AURKA: variants seen among roughly 807,000 people sequenced by gnomAD.
AURKA encodes aurora 2.
A neutral mutation model predicts 40.9 loss-of-function variants in AURKA; 12 were observed. That is an observed-to-expected ratio of 0.29 (90% CI 0.19 to 0.48). AURKA has a LOEUF of 0.48. Among genes scored for constraint, AURKA ranks in the 20% least tolerant of loss-of-function variants. The pLI is 0.99. For synonymous variants in AURKA, 170 were observed against 164.3 expected (o/e 1.03, Z -0.26); for missense variants, 322 against 462.1 (o/e 0.70, Z 2.78).
chr20:56,389,419 C>T (rs1214353179), intron 1 of AURKA, among the ~76,000 whole-genome samples: 1 of 152,068 alleles, frequency 6.6e-6, no homozygotes. Flanking sequence ...AAAACTGAAC[C>T]TCTTCCCTTC....
In AURKA at chr20:56,373,455, C is replaced by A. The variant is rs1486433364; in HGVS notation, c.807G>T (p.Glu269Asp). The change falls in exon 7 of 9, where the codon GAG becomes GAT. Residue 269 changes from glutamate (E) to aspartate (D), a missense_variant. Transcript: ENST00000395915. This position sits in a 1 kb window ranked among gnomAD's most constrained non-coding sequence, Gnocchi z 5.0. ...ACCACCCAAAATCTGCAATTTTAAG[C>A]TCTCCAGCTGATCCAAGAAGTAAGT... is the stretch of plus-strand genomic sequence containing the variant. ...PENLLLGSAGELKIADFGWSV... is the reference protein window; with the variant it reads ...PENLLLGSAGDLKIADFGWSV... The A allele has an allele frequency of 1.2e-6, 2 of 1,614,060 alleles. No individual in the cohort carries two copies. The highest frequency in any genetic ancestry group is 1.7e-6 in the Non-Finnish European group (2 of 1,180,052).
intron 1 of AURKA, among the ~76,000 whole-genome samples, chr20:56,389,901 A>G (rs892714959): frequency 2.6e-5 from 4 of 151,986 alleles, no homozygotes; most frequent in Non-Finnish European, 5.9e-5. Flanking sequence ...TACTACTACC[A>G]CCTGGTCAAA....
chr20:56,388,867 G>A (rs2062680530), intron 1 of AURKA: 3 of 152,490 alleles, frequency 2.0e-5, no homozygotes, highest in Non-Finnish European at 4.4e-5. Context: ...TGCTAACAAT[G>A]ACCCCCTCCT....
At chr20:56,390,385 G>A (rs555382876) in intron 1 of AURKA, among the ~76,000 whole-genome samples, 7 of 149,078 alleles carry the variant, frequency 4.7e-5, no homozygotes, top group African/African-American at 9.9e-5. Flanking sequence ...CGGCTCACCC[G>A]CAACCTCCAC....
intron 6 of AURKA, among the ~76,000 whole-genome samples, chr20:56,380,269 C>T (rs1436516630): frequency 1.0e-4 from 15 of 150,666 alleles, no homozygotes; most frequent in African/African-American, 3.7e-4. Context: ...GCAGAAGAAT[C>T]GCTTCAACCT....
At chr20:56,388,868 A>T (rs1366488265) in intron 1 of AURKA, 1 of 151,902 alleles carries the variant, frequency 6.6e-6, no homozygotes, top group African/African-American at 2.4e-5. Flanking sequence ...GCTAACAATG[A>T]CCCCCTCCTC....
chr20:56,374,284 G>C (rs769420119), intron 6 of AURKA, among the ~76,000 whole-genome samples: 1 of 152,128 alleles, frequency 6.6e-6, no homozygotes, highest in Non-Finnish European at 1.5e-5. Context: ...AGACAGTGCT[G>C]AAGAACTGGT....
chr20:56,389,191 G>A (rs920047650), intron 1 of AURKA, among the ~76,000 whole-genome samples: 2 of 152,042 alleles, frequency 1.3e-5, no homozygotes, highest in African/African-American at 4.8e-5. Flanking sequence ...AGGGTCTGGG[G>A]TGACTCAAGA....
At chr20:56,383,286 C>A in intron 4 of AURKA, 110 bp from the exon 5 acceptor site, 2 of 1,141,786 alleles carry the variant, frequency 1.8e-6, no homozygotes, top group Non-Finnish European at 2.6e-6. Flanking sequence ...CAACTTCACT[C>A]AATATGCATC....
At chr20:56,380,467 C>G (rs913932823) in intron 6 of AURKA, among the ~76,000 whole-genome samples, 11 of 151,434 alleles carry the variant, frequency 7.3e-5, no homozygotes, top group South Asian at 2.1e-4. Context: ...AAATAAATAC[C>G]CAGGAGTCTA....
intron 6 of AURKA, among the ~76,000 whole-genome samples, chr20:56,376,799 G>C (rs1356059016): frequency 1.3e-5 from 2 of 152,172 alleles, no homozygotes; most frequent in Admixed American, 1.3e-4. Flanking sequence ...AGCCTGGGAG[G>C]CCGGGTACAG....
At position 56,369,497 on chromosome 20, in the gene AURKA, G is replaced by A. The variant is rs1402250415; in HGVS notation, c.*661C>T. 2.9e-5 allele frequency: 7 copies of A among 241,246 alleles called. No homozygotes were observed. The highest frequency in any genetic ancestry group is 4.9e-5 in the Non-Finnish European group (6 of 122,114). The allele number at this position is 241,246 out of a possible 1,614,324, so 14.9% of individuals were successfully genotyped here. A position where few individuals can be genotyped will look rare whatever the true frequency, so the allele number is the denominator to read the frequency against. ...AGCTCTGAGACACATGGCCTCTTCT[G>A]TATCCCAAGCAAATCCCTAAATGGA... On this transcript the variant is annotated 3_prime_UTR_variant, in exon 9 of 9. Transcript: ENST00000395915.
chr20:56,370,676 G>A lies in AURKA; in HGVS notation c.855-17C>T, dbSNP rs546596355. 1.2e-6 allele frequency: 2 copies of A among 1,614,000 alleles called. No individual in the cohort carries two copies. Among genetic ancestry groups the A allele is most frequent in the East Asian group, 2.2e-5 (1 of 44,882 alleles). ...GTGGTCCTCCTGAAAACGGAGGGAG[G>A]CTCAGGTTGATGTGCTTCTCGTTTT... On this transcript the variant is annotated splice_polypyrimidine_tract_variant and intron_variant, in intron 7 of 8. Coordinates refer to ENST00000395915, the MANE Select transcript of AURKA (RefSeq NM_198437.3).
chr20:56,374,016 TACACACAC>T (rs11467339), intron 6 of AURKA, among the ~76,000 whole-genome samples: 12 of 147,610 alleles, frequency 8.1e-5, no homozygotes, highest in South Asian at 6.5e-4. Flanking sequence ...TATAGGAGTC[TACACACAC>T]ACACACACAC....
In AURKA at chr20:56,370,172, T is replaced by C. The variant is rs1983923319; in HGVS notation, c.1198A>G (p.Ser400Gly). The C allele has an allele frequency of 1.2e-6, 2 of 1,612,780 alleles. No individual in the cohort carries two copies. The highest frequency in any genetic ancestry group is 2.2e-5 in the East Asian group (1 of 44,888). ...CTGCACGATTCCTAAGACTGTTTGCTAGCTGATTCTTTGTTTTGGCAATTT... is the reference window on the plus strand; with the variant it reads ...CTGCACGATTCCTAAGACTGTTTGCCAGCTGATTCTTTGTTTTGGCAATTT... Reference protein sequence around the residue: ...PSNCQNKESASKQS With the variant: ...PSNCQNKESAGKQS The change falls in exon 9 of 9, where the codon AGC (serine) becomes GGC (glycine). Residue 400 changes from serine to glycine, a missense_variant. Ser to Gly is a moderately conservative substitution (Grantham distance 56). Coordinates refer to ENST00000395915, the MANE Select transcript of AURKA (RefSeq NM_198437.3).
Position 56,370,369 on chromosome 20 carries a change from C to T in AURKA, c.1030-29G>A, listed in dbSNP as rs760658751. 4 of 1,614,026 alleles carry T rather than the reference C, an allele frequency of 2.5e-6. No homozygotes were observed. In the South Asian group the frequency reaches 3.3e-5, roughly 13 times the overall value. On this transcript the variant is annotated intron_variant, in intron 8 of 8. Transcript: ENST00000395915. Reference sequence around the variant, plus strand: ...GAGTACAACAAATGATAAAATATCACAAAACACAGGTTAGAGAGATCAAAT... The same window carrying T: ...GAGTACAACAAATGATAAAATATCATAAAACACAGGTTAGAGAGATCAAAT...
chr20:56,370,966 T>G (rs1208790863), intron 7 of AURKA, among the ~76,000 whole-genome samples: 26 of 152,186 alleles, frequency 1.7e-4, no homozygotes, highest in Admixed American at 1.7e-3. Flanking sequence ...TCTCTGTAAA[T>G]ACGATTTGGA....
intron 6 of AURKA, among the ~76,000 whole-genome samples, chr20:56,377,747 A>C (rs190822235): frequency 8.8e-4 from 134 of 152,224 alleles, no homozygotes; most frequent in Non-Finnish European, 9.3e-4. Flanking sequence ...AAATCGCACC[A>C]CTACACTCTA....
intron 4 of AURKA, among the ~76,000 whole-genome samples, chr20:56,383,469 G>A (rs1985993907): frequency 6.6e-6 from 1 of 152,182 alleles, no homozygotes; most frequent in African/African-American, 2.4e-5. Flanking sequence ...AGAGGAACAG[G>A]GCCATGACAA....
Sources: allele counts gnomAD v4.1 joint callset (sites outside exome capture counted in the v4.1 genomes callset), GRCh38; gene constraint gnomAD v4.1.1; non-coding constraint Gnocchi (gnomAD v3.1); transcripts MANE v1.5; gene names NCBI Gene and HGNC (gene_info 2026-07-23, HGNC 2026-07-21).